LGR6: variants seen among roughly 807,000 people sequenced by gnomAD.
The protein encoded by LGR6 is leucine rich repeat containing G protein-coupled receptor 6, also known as leucine-rich repeat-containing G protein-coupled receptor 6.
A neutral mutation model predicts 69.4 loss-of-function variants in LGR6; 45 were observed. The observed-to-expected ratio is 0.65, with a 90% CI of 0.51 to 0.83. The LOEUF (loss-of-function observed/expected upper bound fraction) is 0.83. Ranked by LOEUF, LGR6 falls within the 40% of genes least tolerant of loss-of-function variation. The pLI is 0.00. For synonymous variants in LGR6, 538 were observed against 555.0 expected (o/e 0.97, Z 0.43); for missense variants, 1,108 against 1,246.7 (o/e 0.89, Z 1.68).
chr1:202,309,025 A>G (rs1188229418), intron 14 of LGR6, 26 bp from the exon 15 acceptor site: 3 of 1,612,948 alleles, frequency 1.9e-6, no homozygotes, highest in Middle Eastern at 1.6e-4. Context: ...CTGACTGCCA[A>G]TAACCCTGAC....
At chr1:202,261,384 T>C (rs550610831) in intron 4 of LGR6, among the ~76,000 whole-genome samples, 1 of 152,234 alleles carries the variant, frequency 6.6e-6, no homozygotes, top group Admixed American at 6.5e-5. Flanking sequence ...ATTTCCAATT[T>C]CATCCATGTC....
intron 9 of LGR6, 42 bp from the exon 10 acceptor site, chr1:202,303,237 G>T (rs1376026354): frequency 1.4e-6 from 2 of 1,469,052 alleles, no homozygotes; most frequent in South Asian, 1.1e-5. Context: ...ATGTTGAGAT[G>T]CTCTGACCCC....
intron 1 of LGR6, among the ~76,000 whole-genome samples, chr1:202,213,667 A>T (rs916704861): frequency 2.6e-5 from 4 of 152,156 alleles, no homozygotes; most frequent in African/African-American, 9.7e-5. Context: ...ATGTCCACTG[A>T]CATTCATGCT....
At chr1:202,301,013 C>T (rs1667547366) in intron 8 of LGR6, 93 bp downstream of exon 8, 2 of 1,323,524 alleles carry the variant, frequency 1.5e-6, no homozygotes, top group Non-Finnish European at 2.2e-6. Flanking sequence ...CCCTAGGAAG[C>T]ACCAGGGAGG....
intron 1 of LGR6, among the ~76,000 whole-genome samples, chr1:202,205,583 C>A (rs1659174677): frequency 6.7e-6 from 1 of 148,396 alleles, no homozygotes; most frequent in African/African-American, 2.5e-5. Context: ...TACACATACA[C>A]ACCCTCCTTC....
chr1:202,310,482 G>A, intron 16 of LGR6, 125 bp downstream of exon 16: 2 of 908,804 alleles, frequency 2.2e-6, no homozygotes, highest in Non-Finnish European at 1.6e-6. Context: ...ACAGAGGTGG[G>A]AGGAGCTGCC....
chr1:202,204,668 C>A (rs111205721), intron 1 of LGR6, among the ~76,000 whole-genome samples: 2 of 11,050 alleles, frequency 1.8e-4, no homozygotes, highest in African/African-American at 6.4e-4. Context: ...CAAACACACA[C>A]ACGCCTCCAA....
chr1:202,249,008 G>A (rs765796711), intron 4 of LGR6, among the ~76,000 whole-genome samples: 4 of 152,108 alleles, frequency 2.6e-5, no homozygotes, highest in African/African-American at 9.7e-5. Flanking sequence ...AACTTTCTTT[G>A]AGCATCTCCT....
At chr1:202,213,989 A>G in intron 1 of LGR6, 1 of 935,618 alleles carries the variant, frequency 1.1e-6, no homozygotes, top group Non-Finnish European at 1.3e-6. Context: ...GTCTTTCTAT[A>G]GCTCTGATGA....
chr1:202,214,076 G>A, intron 1 of LGR6: 1 of 1,370,976 alleles, frequency 7.3e-7, no homozygotes, highest in Non-Finnish European at 9.4e-7. Flanking sequence ...CGAGAGAAGC[G>A]GCAGAACGAG....
chr1:202,310,306 G>C lies in LGR6; in HGVS notation c.1516G>C (p.Glu506Gln). The change falls in exon 16 of 18, where the codon GAG becomes CAG. Residue 506 changes from glutamate (E) to glutamine (Q), a missense_variant. Glu to Gln is a conservative substitution (Grantham distance 29). Coordinates refer to ENST00000367278, the MANE Select transcript of LGR6 (RefSeq NM_001017403.2). ...TGAAGACCTTCACCTTGATGATGAG[G>C]AGTCTTCAAAAAGGCCCCTGGGCCT... ...EAEDLHLDDE[E>Q]SSKRPLGLLA... is the part of the protein sequence containing the mutation. The C allele has an allele frequency of 6.2e-7, 1 of 1,613,972 alleles. No individual in the cohort carries two copies. Among genetic ancestry groups the C allele is most frequent in the Admixed American group, 1.7e-5 (1 of 59,990 alleles).
At chr1:202,280,238 T>C (rs1665901137) in intron 5 of LGR6, among the ~76,000 whole-genome samples, 1 of 152,182 alleles carries the variant, frequency 6.6e-6, no homozygotes, top group Non-Finnish European at 1.5e-5. Flanking sequence ...TTCAAGGCCC[T>C]GCTCTGGATC....
At position 202,220,594 on chromosome 1, in the gene LGR6, G is replaced by A. The variant is rs1220272249; in HGVS notation, c.213-4829G>A. 2.6e-5 allele frequency among the ~76,000 whole-genome samples: 4 copies of A among 152,218 alleles called. No homozygotes were observed. In the East Asian group the frequency reaches 7.7e-4, roughly 29 times the overall value. ...GTGAGAAAATGGAGACTTAGAGATG[G>A]GAAGTGACATGACCAGGGTCACACA... On this transcript the variant is annotated intron_variant, in intron 1 of 17. Coordinates refer to ENST00000367278, the MANE Select transcript of LGR6 (RefSeq NM_001017403.2).
At chr1:202,251,637 G>A (rs1263584247) in intron 4 of LGR6, among the ~76,000 whole-genome samples, 1 of 152,206 alleles carries the variant, frequency 6.6e-6, no homozygotes, top group African/African-American at 2.4e-5. Flanking sequence ...ACAGGAATGA[G>A]GCTGCTGGGC....
intron 1 of LGR6, among the ~76,000 whole-genome samples, chr1:202,219,763 A>G (rs1230606476): frequency 1.3e-5 from 2 of 152,256 alleles, no homozygotes; most frequent in African/African-American, 4.8e-5. Flanking sequence ...CCTTGCCTTG[A>G]AGAAACACAT....
At chr1:202,308,556 G>A (rs1304826258) in intron 14 of LGR6, among the ~76,000 whole-genome samples, 1 of 152,200 alleles carries the variant, frequency 6.6e-6, no homozygotes, top group East Asian at 1.9e-4. Context: ...TGGAATGGAT[G>A]ACCCAATCCC....
At chr1:202,204,602 ACCT>A (rs1659007267) in intron 1 of LGR6, among the ~76,000 whole-genome samples, 1 of 42,588 alleles carries the variant, frequency 2.3e-5, no homozygotes, top group Non-Finnish European at 4.9e-5. Context: ...AAACACACAC[ACCT>A]CCAAACACAC....
chr1:202,270,822 T>C (rs1272760591), intron 4 of LGR6, among the ~76,000 whole-genome samples: 1 of 152,160 alleles, frequency 6.6e-6, no homozygotes, highest in Non-Finnish European at 1.5e-5. Flanking sequence ...CCCTGGGATG[T>C]CCTATGACCT....
rs751819281 is a variant in LGR6 at position 202,227,961 on chromosome 1, C to T, written c.310C>T (p.His104Tyr). The T allele has an allele frequency of 6.2e-7, 1 of 1,613,916 alleles. No homozygotes were observed. The highest frequency in any genetic ancestry group is 2.2e-5 in the East Asian group (1 of 44,886). Residue 104 changes from histidine to tyrosine, a missense_variant, in exon 3 of 18, where the codon CAC becomes TAC. His to Tyr is a moderately conservative substitution (Grantham distance 83, BLOSUM62 2). Transcript: ENST00000367278. The part of the protein sequence containing the change: ...ELRLSGNHLS[H>Y]IPGQAFSGLY... ...GCGTCTCTCTGGGAACCATCTCTCA[C>T]ACATCCCAGGACAAGCATTCTCTGG...
Sources: gnomAD v4.1 joint callset for allele counts (sites outside exome capture counted in the v4.1 genomes callset) on GRCh38, gnomAD v4.1.1 for gene constraint, MANE v1.5 for transcripts, NCBI Gene and HGNC (gene_info 2026-07-23, HGNC 2026-07-21) for gene names.